Variants in RBBP6 observed in about 807,000 individuals in gnomAD.
RBBP6 encodes RB binding protein 6, ubiquitin ligase.
In RBBP6, 25 loss-of-function variants were observed where a neutral mutation model predicts 167.7. The ratio of observed to expected loss-of-function variants is 0.15; its 90% CI spans 0.11 to 0.21. The LOEUF is 0.21. Among genes scored for constraint, RBBP6 ranks in the 10% least tolerant of loss-of-function variants. The pLI is 1.00. For synonymous variants in RBBP6, 789 were observed against 735.8 expected (o/e 1.07, Z -1.17); for missense variants, 1,868 against 2,134.2 (o/e 0.88, Z 2.46).
chr16:24,571,479 A>T lies in RBBP6; in HGVS notation c.4413A>T (p.Arg1471Ser). 4 of 1,612,288 alleles carry T rather than the reference A, an allele frequency of 2.5e-6. No homozygotes were observed. Among genetic ancestry groups the T allele is most frequent in the Non-Finnish European group, 3.4e-6 (4 of 1,179,634 alleles). Reference protein sequence around the residue: ...ASSNKDFTPNRDKKTDYDTRE... With the variant: ...ASSNKDFTPNSDKKTDYDTRE... ...CAAATAAAGACTTCACTCCCAATAG[A>T]GACAAAAAAACTGACTATGACACCA... The change falls in exon 18 of 18, where the codon AGA becomes AGT. Residue 1471 changes from arginine (R) to serine (S), a missense_variant. Physicochemically the swap from Arg to Ser is moderately radical, Grantham distance 110. Around this residue, in one of 7 missense-constraint regions of RBBP6, gnomAD observed 591 missense variants for 540.5 expected, o/e 1.09. Coordinates refer to ENST00000319715, the MANE Select transcript of RBBP6 (RefSeq NM_006910.5).
chr16:24,543,738 T>C (rs1284568640), intron 1 of RBBP6, among the ~76,000 whole-genome samples: 1 of 152,216 alleles, frequency 6.6e-6, no homozygotes, highest in Non-Finnish European at 1.5e-5. Context: ...GAGAAACTTT[T>C]CTGCACACCG....
rs781482221 is a variant in RBBP6, at chr16:24,571,190, A to C, written c.4124A>C (p.Lys1375Thr). 1.2e-6 allele frequency: 2 copies of C among 1,614,088 alleles called. No homozygotes were observed. Among genetic ancestry groups the C allele is most frequent in the Admixed American group, 3.3e-5 (2 of 60,018 alleles). The change falls in exon 18 of 18, where the codon AAA (lysine) becomes ACA (threonine). Residue 1375 changes from lysine (K) to threonine (T), a missense_variant. Transcript: ENST00000319715. Reference sequence around the variant, plus strand: ...AGTGAGCCATCCGAGAAAATTCAGAAATTCACCAAGGACGTGAGCCATGAA... The same window carrying C: ...AGTGAGCCATCCGAGAAAATTCAGACATTCACCAAGGACGTGAGCCATGAA... ...KESEPSEKIQ[K>T]FTKDVSHEII...
chr16:24,561,239 A>G (rs1417665306), intron 8 of RBBP6, among the ~76,000 whole-genome samples: 1 of 151,688 alleles, frequency 6.6e-6, no homozygotes, highest in Non-Finnish European at 1.5e-5. Flanking sequence ...TTTGCTCTCA[A>G]TTCAGACATT....
intron 7 of RBBP6, among the ~76,000 whole-genome samples, chr16:24,558,995 T>G (rs1262169390): frequency 6.6e-6 from 1 of 152,238 alleles, no homozygotes; most frequent in East Asian, 1.9e-4. Flanking sequence ...ATGTCAGTAC[T>G]AATTTTAATT....
chr16:24,550,355 T>G (rs1445167298), intron 3 of RBBP6, among the ~76,000 whole-genome samples: 1 of 139,466 alleles, frequency 7.2e-6, no homozygotes, highest in Non-Finnish European at 1.6e-5. Flanking sequence ...TATGGGGTGT[T>G]TTTTTTTGTT....
intron 4 of RBBP6, chr16:24,553,782 A>G: frequency 9.5e-6 from 3 of 316,870 alleles, no homozygotes; most frequent in Non-Finnish European, 1.7e-5. Flanking sequence ...CAGAAGAAAC[A>G]CTTGAAGCTA....
Position 24,567,146 on chromosome 16 carries a change from T to A in RBBP6, c.1593T>A (p.Ser531Arg). The A allele has an allele frequency of 6.2e-7, 1 of 1,611,780 alleles. No homozygotes were observed. The highest frequency in any genetic ancestry group is 8.5e-7 in the Non-Finnish European group (1 of 1,178,090). Reference protein sequence around the residue: ...IRRGERSCYRSINRGRHHSER... With the variant: ...IRRGERSCYRRINRGRHHSER... ...ATCTTGGAATTTATTTTTCCAGAAG[T>A]ATAAACCGTGGGCGACACCACAGCG... The change falls in exon 15 of 18, where the codon AGT becomes AGA. Residue 531 changes from serine (S) to arginine (R), a missense_variant. Around this residue, in one of 7 missense-constraint regions of RBBP6, gnomAD observed 145 missense variants for 224.3 expected, o/e 0.65. Transcript: ENST00000319715.
intron 14 of RBBP6, among the ~76,000 whole-genome samples, chr16:24,566,489 C>G (rs947874721): frequency 2.6e-5 from 4 of 152,302 alleles, no homozygotes; most frequent in African/African-American, 9.6e-5. Flanking sequence ...TGTGGTGGCT[C>G]TCACCTGTAA....
intron 12 of RBBP6, 41 bp downstream of exon 12, chr16:24,563,542 A>G (rs1046722672): frequency 1.2e-6 from 2 of 1,611,692 alleles, no homozygotes; most frequent in Admixed American, 3.3e-5. Flanking sequence ...TTCCCTTTAA[A>G]AAATAATTTT....
At position 24,572,164 on chromosome 16, in the gene RBBP6, C is replaced by T. The variant is rs1469188962; in HGVS notation, c.5098C>T (p.Pro1700Ser). Residue 1700 changes from proline (P) to serine (S), a missense_variant, in exon 18 of 18, where the codon CCC becomes TCC. Coordinates refer to ENST00000319715, the MANE Select transcript of RBBP6 (RefSeq NM_006910.5). ...GAGCCACAGCAGCCCCAGCGTCAGC[C>T]CCAGCAGAAGCCACAGTCCTTCTGG... The part of the protein sequence containing the change: ...NQSHSSPSVS[P>S]SRSHSPSGSQ... 1.2e-6 allele frequency: 2 copies of T among 1,614,114 alleles called. No homozygotes were observed. The highest frequency in any genetic ancestry group is 1.7e-5 in the Admixed American group (1 of 60,022).
chr16:24,557,584 G>A (rs1160220468), intron 7 of RBBP6, among the ~76,000 whole-genome samples: 1 of 151,462 alleles, frequency 6.6e-6, no homozygotes, highest in Non-Finnish European at 1.5e-5. Flanking sequence ...AAAAAAAAAA[G>A]ATCCTGGTTG....
chr16:24,553,303 TC>T, intron 3 of RBBP6: 1 of 461,708 alleles, frequency 2.2e-6, no homozygotes, highest in Non-Finnish European at 3.9e-6. Context: ...AGTCCCCTCT[TC>T]CTCCCCTCCA....
chr16:24,546,245 A>C lies in RBBP6; in HGVS notation c.249A>C (p.Thr83=). The C allele has an allele frequency of 6.3e-7, 1 of 1,588,730 alleles. No individual in the cohort carries two copies. The highest frequency in any genetic ancestry group is 1.2e-5 in the South Asian group (1 of 85,324). ...TTCCTATTGGAGGTGTTAAATCTAC[A>C]AGCAAGACATATGTTATGTAAGTAT... The part of the protein sequence containing the change: ...RRIPIGGVKS[T]SKTYVISRTE... Residue 83 remains threonine (T), a synonymous_variant, in exon 2 of 18, where the codon ACA becomes ACC. Transcript: ENST00000319715.
At chr16:24,568,065 CAG>C (rs1899235900) in intron 16 of RBBP6, among the ~76,000 whole-genome samples, 172 bp downstream of exon 16, 2 of 152,202 alleles carry the variant, frequency 1.3e-5, no homozygotes, top group Admixed American at 1.3e-4. Flanking sequence ...AATAATGTCT[CAG>C]TGTAAATTTT....
At chr16:24,551,111 T>C (rs1898785223) in intron 3 of RBBP6, among the ~76,000 whole-genome samples, 1 of 151,892 alleles carries the variant, frequency 6.6e-6, no homozygotes, top group South Asian at 2.1e-4. Flanking sequence ...CTGGATGTTC[T>C]TCTTGCTAAC....
intron 1 of RBBP6, among the ~76,000 whole-genome samples, chr16:24,543,365 C>CT (rs1396222088): frequency 2.0e-5 from 3 of 149,914 alleles, no homozygotes; most frequent in African/African-American, 7.4e-5. Context: ...CTCATTGCAG[C>CT]TTCAACCTAC....
At chr16:24,553,094 C>T (rs1426689583) in intron 3 of RBBP6, 1 of 153,532 alleles carries the variant, frequency 6.5e-6, no homozygotes, top group Admixed American at 6.5e-5. Context: ...AAGCAATTAT[C>T]TGAGCCCTTA....
rs2141479897 is a variant in RBBP6 at position 24,571,142 on chromosome 16, T to C, written c.4076T>C (p.Ile1359Thr). Residue 1359 changes from isoleucine to threonine, a missense_variant, in exon 18 of 18, where the codon ATA becomes ACA. Physicochemically the swap from Ile to Thr is moderately conservative, Grantham distance 89. This residue lies in a region of RBBP6 where 591 missense variants were observed against 540.5 expected (regional missense o/e 1.09). Transcript: ENST00000319715. The stretch of plus-strand genomic sequence containing the variant: ...AATGTTAGTACAAAGCCATCAAATA[T>C]AGTCAAGTATCCTGAGAAAGAAAGT... ...IKNVSTKPSN[I>T]VKYPEKESEP... is the part of the protein sequence containing the mutation. 6.2e-7 allele frequency: 1 copy of C among 1,613,554 alleles called. No individual in the cohort carries two copies. The highest frequency in any genetic ancestry group is 8.5e-7 in the Non-Finnish European group (1 of 1,179,568).
At chr16:24,561,276 G>T (rs1199622164) in intron 8 of RBBP6, among the ~76,000 whole-genome samples, 1 of 151,910 alleles carries the variant, frequency 6.6e-6, no homozygotes, top group Non-Finnish European at 1.5e-5. Context: ...AAGATGGGGT[G>T]GGGGATCCTT....
Sources: allele counts gnomAD v4.1 joint callset (sites outside exome capture counted in the v4.1 genomes callset), GRCh38; gene constraint gnomAD v4.1.1; regional missense constraint gnomAD v4.1.1; transcripts MANE v1.5; gene names NCBI Gene and HGNC (gene_info 2026-07-23, HGNC 2026-07-21).